KANK4: variants seen among roughly 807,000 people sequenced by gnomAD.
KANK4 encodes the protein KN motif and ankyrin repeat domains 4, also known as KN motif and ankyrin repeat domain-containing protein 4.
Under a neutral mutation model 80.8 loss-of-function variants are expected in KANK4, and 50 were observed. That is an observed-to-expected ratio of 0.62 (90% confidence interval 0.49 to 0.78). The LOEUF is 0.78. KANK4 is among the 30% of genes least tolerant of loss of function. The pLI, the probability that KANK4 is intolerant of heterozygous loss-of-function variation, is 0.00. For synonymous variants in KANK4, 465 were observed against 506.9 expected (o/e 0.92, Z 1.11); for missense variants, 1,196 against 1,240.1 (o/e 0.96, Z 0.53).
chr1:62,296,930 T>C (rs1416132734), intron 1 of KANK4, among the ~76,000 whole-genome samples: 1 of 152,090 alleles, frequency 6.6e-6, no homozygotes, highest in Non-Finnish European at 1.5e-5. Context: ...ATAATACTAG[T>C]ACTAGGCCAG....
intron 2 of KANK4, among the ~76,000 whole-genome samples, chr1:62,276,693 C>T (rs767899377): frequency 2.3e-4 from 34 of 150,538 alleles, no homozygotes; most frequent in Non-Finnish European, 4.7e-4. Context: ...GGGAGAATCG[C>T]TTGAACCCAG....
intron 5 of KANK4, 42 bp downstream of exon 5, chr1:62,268,245 T>C (rs749336874): frequency 7.2e-6 from 11 of 1,531,352 alleles, no homozygotes; most frequent in Admixed American, 6.7e-5. Context: ...CCTTGACCTT[T>C]TTCAGAGGAA....
intron 1 of KANK4, among the ~76,000 whole-genome samples, chr1:62,310,100 CT>C (rs893117665): frequency 6.6e-6 from 1 of 152,230 alleles, no homozygotes; most frequent in Non-Finnish European, 1.5e-5. Context: ...TGCTCCTCCC[CT>C]GTTCCCTTGT....
At chr1:62,286,245 G>A (rs1407081341) in intron 1 of KANK4, among the ~76,000 whole-genome samples, 1 of 152,220 alleles carries the variant, frequency 6.6e-6, no homozygotes, top group Non-Finnish European at 1.5e-5. Context: ...GGGAGGACTC[G>A]TCTCCTTCCC....
Position 62,244,648 on chromosome 1 carries a change from C to A in KANK4, c.2883+2824G>T, listed in dbSNP as rs1026119301. Among the ~76,000 whole-genome samples, 7 of 152,130 alleles carry A rather than the reference C, an allele frequency of 4.6e-5. No individual in the cohort carries two copies. The East Asian group carries it at 9.6e-4, about 21-fold the overall frequency. On this transcript the variant is annotated intron_variant, in intron 9 of 9. Coordinates refer to ENST00000371153, the MANE Select transcript of KANK4 (RefSeq NM_181712.5). ...TCCGCCATGATTGAGACTTTCCCAG[C>A]CGTGTGGAACTGTAAGTCCAATTAA...
At chr1:62,289,872 G>C (rs1672645386) in intron 1 of KANK4, among the ~76,000 whole-genome samples, 1 of 152,160 alleles carries the variant, frequency 6.6e-6, no homozygotes, top group African/African-American at 2.4e-5. Context: ...TCCAAGTCAA[G>C]TACTAGCTGA....
chr1:62,268,557 T>C (rs757440774), intron 4 of KANK4, 52 bp from the exon 5 acceptor site: 1 of 1,466,104 alleles, frequency 6.8e-7, no homozygotes, highest in Admixed American at 1.7e-5. Context: ...CCAGTGCCCA[T>C]GTCAACACCA....
chr1:62,240,611 G>A (rs1417486521), intron 9 of KANK4, among the ~76,000 whole-genome samples: 1 of 152,178 alleles, frequency 6.6e-6, no homozygotes, highest in African/African-American at 2.4e-5. Flanking sequence ...AGAGGTTGCG[G>A]TGAGACAAGA....
intron 1 of KANK4, among the ~76,000 whole-genome samples, chr1:62,310,325 G>A (rs896787979): frequency 7.2e-5 from 11 of 152,150 alleles, no homozygotes; most frequent in East Asian, 3.9e-4. Context: ...ACAAAATTGC[G>A]TAGGAGCCTA....
At chr1:62,281,741 G>A (rs1046866251) in intron 1 of KANK4, 107 bp from the exon 2 acceptor site, 2 of 749,402 alleles carry the variant, frequency 2.7e-6, no homozygotes, top group Non-Finnish European at 4.7e-6. Flanking sequence ...CTTTCTCCCA[G>A]GGTGCCCATG....
chr1:62,238,498 C>A, intron 9 of KANK4, 117 bp from the exon 10 acceptor site: 1 of 740,178 alleles, frequency 1.4e-6, no homozygotes, highest in East Asian at 2.7e-5. Flanking sequence ...ATTAAGGCTT[C>A]CAGAGACCTC....
chr1:62,311,989 G>A (rs1444269350), intron 1 of KANK4, among the ~76,000 whole-genome samples: 2 of 152,152 alleles, frequency 1.3e-5, no homozygotes, highest in African/African-American at 4.8e-5. Context: ...ACTTCCTGTC[G>A]GGGGTCTTAA....
Position 62,271,520 on chromosome 1 carries a change from T to C in KANK4, c.1970A>G (p.Asn657Ser). The change falls in exon 4 of 10, where the codon AAT becomes AGT. Residue 657 changes from asparagine to serine, a missense_variant. Physicochemically the swap from Asn to Ser is conservative, Grantham distance 46. Coordinates refer to ENST00000371153, the MANE Select transcript of KANK4 (RefSeq NM_181712.5). ...AAACTGAAGGTTCTTTTTGGTCCCA[T>C]TACCTCCTGCACGGAAGCCATAGTC... ...KKDYGFRAGGNGTKKNLQFVG... is the reference protein window; with the variant it reads ...KKDYGFRAGGSGTKKNLQFVG... 1 of 1,614,102 alleles carries C rather than the reference T, an allele frequency of 6.2e-7. No individual in the cohort carries two copies. The highest frequency in any genetic ancestry group is 1.6e-4 in the Middle Eastern group (1 of 6,062).
At chr1:62,280,860 C>T (rs1672436222) in intron 2 of KANK4, among the ~76,000 whole-genome samples, 1 of 152,186 alleles carries the variant, frequency 6.6e-6, no homozygotes, top group Admixed American at 6.5e-5. Context: ...TGGGGTACTC[C>T]TCTACCACGC....
At chr1:62,288,130 C>G (rs2366207) in intron 1 of KANK4, among the ~76,000 whole-genome samples, 38,912 of 151,912 alleles carry the variant, frequency 0.26, 6,152 homozygotes, top group South Asian at 0.38. Context: ...AGACCAGCAG[C>G]CAGCTTCATG....
At chr1:62,310,003 G>A (rs950256538) in intron 1 of KANK4, among the ~76,000 whole-genome samples, 2 of 152,218 alleles carry the variant, frequency 1.3e-5, no homozygotes, top group Non-Finnish European at 2.9e-5. Context: ...GGGACATGGG[G>A]ATAGAATGAA....
At position 62,237,190 on chromosome 1, in the gene KANK4, A is replaced by G. The variant is rs1671224200; in HGVS notation, c.*1087T>C. 6.7e-6 allele frequency: 1 copy of G among 148,590 alleles called. No individual in the cohort carries two copies. Among genetic ancestry groups the G allele is most frequent in the South Asian group, 2.1e-4 (1 of 4,728 alleles). The allele number at this position is 148,590 out of a possible 1,614,324, so 9.2% of individuals were successfully genotyped here. A position where few individuals can be genotyped will look rare whatever the true frequency, so the allele number is the denominator to read the frequency against. ...GAGAGCAGATTTAAGAAAGATTCAG[A>G]TGACTTCACGTGAGCTACTGACCAT... is the stretch of plus-strand genomic sequence containing the variant. On this transcript the variant is annotated 3_prime_UTR_variant, in exon 10 of 10. Transcript: ENST00000371153.
At chr1:62,284,849 G>T (rs749938549) in intron 1 of KANK4, among the ~76,000 whole-genome samples, 5 of 152,110 alleles carry the variant, frequency 3.3e-5, no homozygotes, top group Non-Finnish European at 5.9e-5. Flanking sequence ...AGCTTGTGAA[G>T]GTCAGAATTA....
intron 8 of KANK4, among the ~76,000 whole-genome samples, chr1:62,251,218 A>C (rs535126872): frequency 1.1e-3 from 167 of 152,132 alleles, no homozygotes; most frequent in Admixed American, 5.9e-4. Context: ...GGCCCTCCTC[A>C]CACTGCCCTG....
Sources: allele counts gnomAD v4.1 joint callset (sites outside exome capture counted in the v4.1 genomes callset), GRCh38; gene constraint gnomAD v4.1.1; transcripts MANE v1.5; gene names NCBI Gene and HGNC (gene_info 2026-07-23, HGNC 2026-07-21).